The following RAP1GAP variants were observed in gnomAD, a reference collection of about 807,000 sequenced individuals.
RAP1GAP encodes RAP1 GTPase activating protein, also known as rap1 GTPase-activating protein 1.
A neutral mutation model predicts 87.2 loss-of-function variants in RAP1GAP; 35 were observed. The ratio of observed to expected loss-of-function variants is 0.40; its 90% confidence interval spans 0.31 to 0.53. RAP1GAP has a LOEUF of 0.53. Ranked by LOEUF, RAP1GAP falls within the 20% of genes least tolerant of loss-of-function variation. The pLI is 0.48. For missense variants in RAP1GAP, 734 were observed against 898.9 expected (o/e 0.82, Z 2.35); for synonymous variants, 375 against 363.9 (o/e 1.03, Z -0.35).
At chr1:21,602,120 G>A (rs2069115392) in intron 19 of RAP1GAP, among the ~76,000 whole-genome samples, 1 of 152,214 alleles carries the variant, frequency 6.6e-6, no homozygotes, top group African/African-American at 2.4e-5. Flanking sequence ...CCTGAACCCA[G>A]GACTCACAGC....
Position 21,613,360 on chromosome 1 carries a change from GGGTTCACTGTTGCTCAGGGAACGGA to G in RAP1GAP, c.475-156_475-132del. The G allele has an allele frequency of 1.1e-6, 1 of 886,976 alleles. No individual in the cohort carries two copies. Among genetic ancestry groups the G allele is most frequent in the Non-Finnish European group, 1.9e-6 (1 of 539,616 alleles). The allele number at this position is 886,976 out of a possible 1,614,324, so 54.9% of individuals were successfully genotyped here. ...ATGGCCAAGGCTAAAGCAGGACTCG[GGGTTCACTGTTGCTCAGGGAACGGA>G]GGTCCCCTGAGATCTGAAGGTGCTA... On this transcript the variant is annotated intron_variant, in intron 9 of 24. Transcript: ENST00000374765. The surrounding 1 kb of genome is among the most constrained non-coding windows in gnomAD (Gnocchi z 4.7).
intron 2 of RAP1GAP, among the ~76,000 whole-genome samples, chr1:21,638,180 G>A (rs1202074706): frequency 2.0e-5 from 3 of 150,852 alleles, no homozygotes; most frequent in East Asian, 1.9e-4. Flanking sequence ...AAAAAAGGCC[G>A]GGCATGGTGG....
At chr1:21,651,484 C>A in intron 1 of RAP1GAP, 1 of 631,342 alleles carries the variant, frequency 1.6e-6, no homozygotes, top group South Asian at 1.4e-5. Context: ...CATGCATAAG[C>A]GCCACTATCA....
At chr1:21,599,818 C>T (rs1051650566) in intron 20 of RAP1GAP, among the ~76,000 whole-genome samples, 9 of 152,150 alleles carry the variant, frequency 5.9e-5, no homozygotes, top group Non-Finnish European at 1.3e-4. Context: ...CCTTCCTAAT[C>T]CATAAATCTG....
chr1:21,650,654 C>T (rs554267640), intron 1 of RAP1GAP, among the ~76,000 whole-genome samples: 67 of 152,354 alleles, frequency 4.4e-4, no homozygotes, highest in African/African-American at 1.6e-3. Flanking sequence ...GGAAGGCCGA[C>T]TCTGCAGACA....
rs1246312122 is a variant in RAP1GAP at position 21,608,920 on chromosome 1, T to A, written c.1088A>T (p.Glu363Val). The A allele has an allele frequency of 3.7e-6, 6 of 1,614,012 alleles. No individual in the cohort carries two copies. The South Asian group carries it at 5.5e-5, about 15-fold the overall frequency. Residue 363 changes from glutamate (E) to valine (V), a missense_variant, in exon 16 of 25, where the codon GAA becomes GTA. Physicochemically the swap from Glu to Val is moderately radical, Grantham distance 121 (BLOSUM62 -2). Coordinates refer to ENST00000374765, the MANE Select transcript of RAP1GAP (RefSeq NM_002885.4). Reference sequence around the variant, plus strand: ...ATTGATCAGCTTTGTCAGCAAAAATTCCTGGAACTCAGGCCCCTGGAAACT... The same window carrying A: ...ATTGATCAGCTTTGTCAGCAAAAATACCTGGAACTCAGGCCCCTGGAAACT... ...AVFRKGPEFQ[E>V]FLLTKLINAE...
In RAP1GAP at chr1:21,620,061, G is replaced by A. The variant is rs1558724301; in HGVS notation, c.-18-11C>T. 3.1e-6 allele frequency: 5 copies of A among 1,613,698 alleles called. No individual in the cohort carries two copies. In the Admixed American group the frequency reaches 5.0e-5, roughly 16 times the overall value. ...AAATAGATCTGTGTTCTGCAACAGAGACAGGGGAGAGCGAGGTCAGCTGAT... is the reference window on the plus strand; with the variant it reads ...AAATAGATCTGTGTTCTGCAACAGAAACAGGGGAGAGCGAGGTCAGCTGAT... On this transcript the variant is annotated splice_polypyrimidine_tract_variant and intron_variant, in intron 3 of 24. Coordinates refer to ENST00000374765, the MANE Select transcript of RAP1GAP (RefSeq NM_002885.4).
chr1:21,603,729 C>T lies in RAP1GAP; in HGVS notation c.1429-816G>A, dbSNP rs775419191. On this transcript the variant is annotated intron_variant, in intron 18 of 24. Transcript: ENST00000374765. The surrounding 1 kb of genome is among the most constrained non-coding windows in gnomAD (Gnocchi z 6.0). ...CATCCCGCACGCCCTGGGGCCTGTC[C>T]CGGGGGCAGAGGGGCAACGTCCCCA... 2.3e-6 allele frequency: 3 copies of T among 1,280,574 alleles called. No individual in the cohort carries two copies. The highest frequency in any genetic ancestry group is 2.3e-6 in the Non-Finnish European group (2 of 881,588). The allele number at this position is 1,280,574 out of a possible 1,614,324, so 79.3% of individuals were successfully genotyped here. A position where few individuals can be genotyped will look rare whatever the true frequency, so the allele number is the denominator to read the frequency against.
At chr1:21,641,883 A>T (rs2095555403) in intron 2 of RAP1GAP, among the ~76,000 whole-genome samples, 1 of 152,164 alleles carries the variant, frequency 6.6e-6, no homozygotes, top group South Asian at 2.1e-4. Context: ...AGGGAGGGTG[A>T]TGTTTCTCTA....
At position 21,598,002 on chromosome 1, in the gene RAP1GAP, T is replaced by C; in HGVS notation, c.1942A>G (p.Lys648Glu). The C allele has an allele frequency of 6.3e-7, 1 of 1,582,662 alleles. No individual in the cohort carries two copies. Among genetic ancestry groups the C allele is most frequent in the East Asian group, 2.3e-5 (1 of 43,506 alleles). The change falls in exon 23 of 25, where the codon AAG becomes GAG. Residue 648 changes from lysine to glutamate, a missense_variant. Lys to Glu is a moderately conservative substitution (Grantham distance 56). Coordinates refer to ENST00000374765, the MANE Select transcript of RAP1GAP (RefSeq NM_002885.4). ...TGCTCAGATGCTTCCAGCTGGATCTTGATCTCGGGACACGCAGGGTCCCCC... is the reference window on the plus strand; with the variant it reads ...TGCTCAGATGCTTCCAGCTGGATCTCGATCTCGGGACACGCAGGGTCCCCC... ...KLGDPACPEIKIQLEASEQHM... is the reference protein window; with the variant it reads ...KLGDPACPEIEIQLEASEQHM...
intron 2 of RAP1GAP, among the ~76,000 whole-genome samples, chr1:21,632,094 G>A (rs10799705): frequency 0.79 from 119,921 of 152,148 alleles, 47,940 homozygotes; most frequent in East Asian, 0.97. Context: ...AGCCAACCTG[G>A]AGTCTGGGCC....
At chr1:21,601,408 A>T (rs776604091) in intron 20 of RAP1GAP, among the ~76,000 whole-genome samples, 5 of 152,168 alleles carry the variant, frequency 3.3e-5, no homozygotes, top group Non-Finnish European at 7.3e-5. Flanking sequence ...TGATCCGGCA[A>T]CAGCCTATGA....
Position 21,643,435 on chromosome 1 carries a change from G to A in RAP1GAP, c.-113+6326C>T, listed in dbSNP as rs1022514646. 1.4e-4 allele frequency among the ~76,000 whole-genome samples: 21 copies of A among 151,868 alleles called. 1 individual carries two copies. Among genetic ancestry groups the A allele is most frequent in the Admixed American group, 1.2e-3 (19 of 15,246 alleles). On this transcript the variant is annotated intron_variant, in intron 2 of 24. Transcript: ENST00000374765. The stretch of plus-strand genomic sequence containing the variant: ...TAGCTGGGCATGGTGGCACACGCCT[G>A]TAATCCCAGCTACTCAGGAGGCTGA...
Position 21,634,998 on chromosome 1 carries a change from A to C in RAP1GAP, c.-112-8601T>G, listed in dbSNP as rs554660322. Among the ~76,000 whole-genome samples, 2 of 152,320 alleles carry C rather than the reference A, an allele frequency of 1.3e-5. No individual in the cohort carries two copies. Among genetic ancestry groups the C allele is most frequent in the African/African-American group, 4.8e-5 (2 of 41,556 alleles). On this transcript the variant is annotated intron_variant, in intron 2 of 24. Coordinates refer to ENST00000374765, the MANE Select transcript of RAP1GAP (RefSeq NM_002885.4). This position sits in a 1 kb window ranked among gnomAD's most constrained non-coding sequence, Gnocchi z 4.1. The stretch of plus-strand genomic sequence containing the variant: ...TTCCAGTTTACAAACTGCCTTTGCC[A>C]TCAACCCTCTCAACAGCCTCCTGAG...
intron 19 of RAP1GAP, among the ~76,000 whole-genome samples, chr1:21,602,017 C>T (rs2068991130): frequency 6.6e-6 from 1 of 152,216 alleles, no homozygotes; most frequent in Admixed American, 6.5e-5. Flanking sequence ...TGGGACTCCT[C>T]CCAGGTCCTC....
At chr1:21,617,821 C>A in intron 6 of RAP1GAP, 113 bp downstream of exon 6, 1 of 1,455,684 alleles carries the variant, frequency 6.9e-7, no homozygotes, top group Non-Finnish European at 9.6e-7. Flanking sequence ...GTCTCCAGCC[C>A]GCAGCAAGGC....
In RAP1GAP at chr1:21,599,599, C is replaced by T. The variant is rs202076074; in HGVS notation, c.1671G>A (p.Gln557=). 10 of 1,607,050 alleles carry T rather than the reference C, an allele frequency of 6.2e-6. No homozygotes were observed. The East Asian group carries it at 2.2e-4, about 36-fold the overall frequency. The change falls in exon 21 of 25, where the codon CAG becomes CAA. Residue 557 remains glutamine, a synonymous_variant. Transcript: ENST00000374765. The part of the protein sequence containing the change: ...TTKNRAETAA[Q]RAEALKDFSR... ...AGAAGTCCTTGAGCGCCTCTGCTCT[C>T]TGCGCTGCGGTCTCCGCTCTGCCAC...
intron 1 of RAP1GAP, 144 bp from the exon 2 acceptor site, chr1:21,649,940 T>C (rs1262471143): frequency 2.5e-6 from 2 of 816,054 alleles, no homozygotes; most frequent in East Asian, 5.4e-5. Flanking sequence ...ATGCAGTCAC[T>C]ATCACCCTTA....
At chr1:21,630,666 C>A (rs1398559794) in intron 2 of RAP1GAP, among the ~76,000 whole-genome samples, 1 of 152,132 alleles carries the variant, frequency 6.6e-6, no homozygotes, top group African/African-American at 2.4e-5. Context: ...GATCCTTCCC[C>A]CTCGGCCTCC....
Sources: gnomAD v4.1 joint callset for allele counts (sites outside exome capture counted in the v4.1 genomes callset) on GRCh38, gnomAD v4.1.1 for gene constraint, Gnocchi (gnomAD v3.1) non-coding constraint, MANE v1.5 for transcripts, NCBI Gene and HGNC (gene_info 2026-07-23, HGNC 2026-07-21) for gene names.